Variants in MAGI2 observed in about 807,000 individuals in gnomAD.
MAGI2 encodes membrane associated guanylate kinase, WW and PDZ domain containing 2, also known as membrane-associated guanylate kinase, WW and PDZ domain-containing protein 2.
Under a neutral mutation model 133.3 loss-of-function variants are expected in MAGI2, and 35 were observed. That is an observed-to-expected ratio of 0.26 (90% CI 0.20 to 0.35). The LOEUF (loss-of-function observed/expected upper bound fraction) is 0.35, where lower values mean the gene tolerates loss of function less well. Ranked by LOEUF, MAGI2 falls within the 10% of genes least tolerant of loss-of-function variation. The pLI is 1.00. For synonymous variants in MAGI2, 729 were observed against 710.6 expected (o/e 1.03, Z -0.41); for missense variants, 1,636 against 1,863.4 (o/e 0.88, Z 2.25).
intron 21 of MAGI2, among the ~76,000 whole-genome samples, chr7:78,052,403 C>A (rs1188179046): frequency 4.6e-5 from 7 of 152,210 alleles, no homozygotes; most frequent in Non-Finnish European, 1.0e-4. Flanking sequence ...AGTTTCTCTA[C>A]ACCTTCCGCC....
chr7:78,607,358 C>T (rs528354423), intron 3 of MAGI2, among the ~76,000 whole-genome samples: 7 of 151,960 alleles, frequency 4.6e-5, no homozygotes, highest in Non-Finnish European at 7.4e-5. Flanking sequence ...ATCTAGTATT[C>T]AGTGGCTATG....
At chr7:78,422,474 A>G (rs1319765235) in intron 6 of MAGI2, among the ~76,000 whole-genome samples, 3 of 152,088 alleles carry the variant, frequency 2.0e-5, no homozygotes, top group Non-Finnish European at 4.4e-5. Flanking sequence ...TGACAACATA[A>G]ATCTTGCCTG....
At chr7:78,822,751 G>A (rs572087134) in intron 2 of MAGI2, among the ~76,000 whole-genome samples, 228 of 152,010 alleles carry the variant, frequency 1.5e-3, no homozygotes, top group African/African-American at 5.4e-3. Context: ...CAGTGAACAA[G>A]AACAAAAGCT....
intron 2 of MAGI2, among the ~76,000 whole-genome samples, chr7:78,768,669 T>C (rs1334809352): frequency 6.6e-6 from 1 of 152,234 alleles, no homozygotes; most frequent in East Asian, 1.9e-4. Flanking sequence ...CTTGTCCTAG[T>C]GTGGAGATGA....
intron 2 of MAGI2, among the ~76,000 whole-genome samples, chr7:78,834,985 C>A (rs1349820527): frequency 2.0e-5 from 3 of 152,192 alleles, no homozygotes; most frequent in Non-Finnish European, 4.4e-5. Context: ...CAGCACCATG[C>A]TTGTACAGCC....
chr7:78,866,448 T>A, intron 2 of MAGI2, among the ~76,000 whole-genome samples: 1 of 152,094 alleles, frequency 6.6e-6, no homozygotes, highest in Non-Finnish European at 1.5e-5. Context: ...GAAACATGTT[T>A]TCTATTTCTT....
chr7:78,714,856 TGAAACCCAA>T (rs966143508), intron 2 of MAGI2, among the ~76,000 whole-genome samples: 11 of 152,206 alleles, frequency 7.2e-5, no homozygotes, highest in Admixed American at 5.2e-4. Context: ...ATATTGTGTC[TGAAACCCAA>T]GAGGGAATGG....
At chr7:79,416,548 C>T (rs1400592000) in intron 1 of MAGI2, among the ~76,000 whole-genome samples, 1 of 151,678 alleles carries the variant, frequency 6.6e-6, no homozygotes, top group Non-Finnish European at 1.5e-5. Context: ...GTGCTGTGTA[C>T]CGAAATATAT....
At chr7:78,150,676 A>G (rs959687985) in intron 16 of MAGI2, among the ~76,000 whole-genome samples, 3 of 152,190 alleles carry the variant, frequency 2.0e-5, no homozygotes, top group African/African-American at 7.2e-5. Flanking sequence ...CTTTCAAGGC[A>G]ACTGAATAGC....
At chr7:79,227,360 C>G (rs1008708590) in intron 1 of MAGI2, among the ~76,000 whole-genome samples, 1 of 152,160 alleles carries the variant, frequency 6.6e-6, no homozygotes, top group Non-Finnish European at 1.5e-5. Flanking sequence ...CAATATATTC[C>G]ATGGCAGGGA....
At chr7:78,161,462 A>G (rs1824968998) in intron 15 of MAGI2, among the ~76,000 whole-genome samples, 1 of 152,136 alleles carries the variant, frequency 6.6e-6, no homozygotes, top group Admixed American at 6.5e-5. Context: ...GATGGAAAAT[A>G]ATCACCATTA....
intron 2 of MAGI2, among the ~76,000 whole-genome samples, chr7:78,864,889 T>C (rs1016416081): frequency 7.9e-5 from 12 of 152,194 alleles, no homozygotes; most frequent in Admixed American, 2.0e-4. Context: ...ATGCAGAAAG[T>C]TGAAGAAACA....
At chr7:78,303,378 C>CAAAAAAA (rs11377993) in intron 9 of MAGI2, among the ~76,000 whole-genome samples, 3 of 33,348 alleles carry the variant, frequency 9.0e-5, no homozygotes, top group Non-Finnish European at 1.5e-4. Flanking sequence ...AAACTGTCTC[C>CAAAAAAA]AAAAAAAAAA....
At chr7:79,054,131 G>A (rs1265809769) in intron 1 of MAGI2, among the ~76,000 whole-genome samples, 2 of 152,152 alleles carry the variant, frequency 1.3e-5, no homozygotes, top group East Asian at 3.9e-4. Context: ...GGGAGGCAGA[G>A]GTTGCAATGA....
intron 10 of MAGI2, among the ~76,000 whole-genome samples, chr7:78,226,721 C>G (rs1184123161): frequency 6.6e-6 from 1 of 152,122 alleles, no homozygotes; most frequent in Non-Finnish European, 1.5e-5. Context: ...TTTTAAAATG[C>G]ACTGTGCGTG....
chr7:79,119,432 G>A (rs1393059930), intron 1 of MAGI2, among the ~76,000 whole-genome samples: 1 of 152,058 alleles, frequency 6.6e-6, no homozygotes, highest in East Asian at 1.9e-4. Flanking sequence ...CCATTTGCCT[G>A]AACAATCTGG....
intron 2 of MAGI2, among the ~76,000 whole-genome samples, chr7:78,988,223 C>T (rs1562755652): frequency 6.6e-6 from 1 of 151,952 alleles, no homozygotes; most frequent in Admixed American, 6.6e-5. Context: ...GTCACATGGC[C>T]CCAGCCCAAC....
intron 2 of MAGI2, among the ~76,000 whole-genome samples, chr7:78,671,560 C>T (rs975398915): frequency 7.2e-5 from 11 of 151,768 alleles, no homozygotes; most frequent in African/African-American, 2.4e-4. Context: ...CTTCTTTTTT[C>T]GAGCCAGCCA....
At chr7:78,093,096 A>G (rs908542695) in intron 20 of MAGI2, among the ~76,000 whole-genome samples, 2 of 134,856 alleles carry the variant, frequency 1.5e-5, no homozygotes, top group African/African-American at 5.7e-5. Flanking sequence ...AGATTGAGCC[A>G]CTGCACTCCA....
Sources: allele counts gnomAD v4.1 joint callset (sites outside exome capture counted in the v4.1 genomes callset), GRCh38; gene constraint gnomAD v4.1.1; transcripts MANE v1.5; gene names NCBI Gene and HGNC (gene_info 2026-07-23, HGNC 2026-07-21).